The following PALLD variants were observed in gnomAD, a reference collection of about 807,000 sequenced individuals.
The protein encoded by PALLD is palladin, cytoskeletal associated protein, also known as palladin.
A neutral mutation model predicts 123.5 loss-of-function variants in PALLD; 61 were observed. The ratio of observed to expected loss-of-function variants is 0.49; its 90% CI spans 0.40 to 0.61. PALLD has a LOEUF of 0.61. Among genes scored for constraint, PALLD ranks in the 20% least tolerant of loss-of-function variants. PALLD has a pLI of 0.00. For missense variants in PALLD, 1,273 were observed against 1,377.0 expected (o/e 0.92, Z 1.20); for synonymous variants, 465 against 496.4 (o/e 0.94, Z 0.84).
chr4:168,782,906 C>A (rs1392899489), intron 10 of PALLD, among the ~76,000 whole-genome samples: 2 of 151,944 alleles, frequency 1.3e-5, no homozygotes, highest in Non-Finnish European at 2.9e-5. Flanking sequence ...CAGAGTGAGA[C>A]TCTGCCTTAA....
At chr4:168,695,089 G>A (rs1385484193) in intron 8 of PALLD, among the ~76,000 whole-genome samples, 1 of 152,162 alleles carries the variant, frequency 6.6e-6, no homozygotes, top group Non-Finnish European at 1.5e-5. Flanking sequence ...CGTCTTACTG[G>A]TTGTGGAATT....
chr4:168,878,442 T>C (rs546442130), intron 10 of PALLD: 3 of 1,397,658 alleles, frequency 2.1e-6, no homozygotes, highest in South Asian at 2.9e-5. Flanking sequence ...CCGCCTCGGG[T>C]CGCCCTGGGA....
At chr4:168,880,785 C>A (rs1455020795) in intron 10 of PALLD, among the ~76,000 whole-genome samples, 3 of 152,162 alleles carry the variant, frequency 2.0e-5, no homozygotes, top group Non-Finnish European at 4.4e-5. Context: ...CCATATATAT[C>A]AAGTACCAAC....
chr4:168,802,277 C>T (rs1344392147), intron 10 of PALLD, among the ~76,000 whole-genome samples: 3 of 152,162 alleles, frequency 2.0e-5, no homozygotes, highest in Non-Finnish European at 4.4e-5. Context: ...AACAAATCTA[C>T]GTGAACTAGG....
intron 2 of PALLD, among the ~76,000 whole-genome samples, chr4:168,643,764 A>G (rs1408692491): frequency 1.3e-5 from 2 of 152,200 alleles, no homozygotes; most frequent in Non-Finnish European, 1.5e-5. Flanking sequence ...TCAGTTTAAT[A>G]ATAACAGTTG....
intron 2 of PALLD, among the ~76,000 whole-genome samples, chr4:168,523,464 A>G (rs1763762862): frequency 6.6e-6 from 1 of 152,198 alleles, no homozygotes; most frequent in South Asian, 2.1e-4. Flanking sequence ...ACAGTTGTGG[A>G]CATCTAGGGA....
At chr4:168,575,068 T>G (rs1769407403) in intron 2 of PALLD, among the ~76,000 whole-genome samples, 3 of 152,132 alleles carry the variant, frequency 2.0e-5, no homozygotes, top group Admixed American at 2.0e-4. Flanking sequence ...TGACTGCAAA[T>G]CAGGTGTCTG....
intron 3 of PALLD, among the ~76,000 whole-genome samples, chr4:168,668,808 A>T (rs1779903777): frequency 6.6e-6 from 1 of 152,070 alleles, no homozygotes; most frequent in Admixed American, 6.6e-5. Context: ...TTTTGTTAAG[A>T]CCCCATTATT....
At chr4:168,779,096 A>G (rs1181393042) in intron 10 of PALLD, among the ~76,000 whole-genome samples, 2 of 152,246 alleles carry the variant, frequency 1.3e-5, no homozygotes, top group Non-Finnish European at 2.9e-5. Context: ...TCATTGATCT[A>G]AGACAGTTAA....
chr4:168,691,168 C>G, intron 7 of PALLD, 101 bp from the exon 8 acceptor site: 1 of 815,146 alleles, frequency 1.2e-6, no homozygotes, highest in Non-Finnish European at 2.1e-6. Context: ...TCAGACATGT[C>G]CTAGACAAGG....
At chr4:168,591,135 T>C (rs750605535) in intron 2 of PALLD, among the ~76,000 whole-genome samples, 4 of 152,136 alleles carry the variant, frequency 2.6e-5, no homozygotes, top group Non-Finnish European at 5.9e-5. Context: ...TGCCTCAGCC[T>C]CCCAAAGTGC....
intron 10 of PALLD, among the ~76,000 whole-genome samples, chr4:168,873,863 T>A (rs1335573185): frequency 6.6e-6 from 1 of 152,186 alleles, no homozygotes; most frequent in Non-Finnish European, 1.5e-5. Context: ...AAGTGCCCTA[T>A]GGCTTCGTGA....
intron 2 of PALLD, chr4:168,598,786 A>G: frequency 2.9e-6 from 1 of 347,176 alleles, no homozygotes; most frequent in Non-Finnish European, 5.9e-6. Context: ...GTAAATCCAA[A>G]GCAGGGAGGG....
intron 10 of PALLD, among the ~76,000 whole-genome samples, chr4:168,839,069 C>T (rs1169930284): frequency 1.3e-5 from 2 of 152,144 alleles, no homozygotes; most frequent in Non-Finnish European, 2.9e-5. Context: ...CCTCCCACCT[C>T]AGTCTCCCAA....
Position 168,523,044 on chromosome 4 carries a change from G to A in PALLD, c.908+10632G>A, listed in dbSNP as rs115381538. Reference sequence around the variant, plus strand: ...CAGTCACTGTTTATATGATCCACATGTTGTGGTCCAAAAAATGTAAATAAA... The same window carrying A: ...CAGTCACTGTTTATATGATCCACATATTGTGGTCCAAAAAATGTAAATAAA... On this transcript the variant is annotated intron_variant, in intron 2 of 21. Coordinates refer to ENST00000505667, the MANE Select transcript of PALLD (RefSeq NM_001166108.2). Among the ~76,000 whole-genome samples, 1,452 of 152,204 alleles carry A rather than the reference G, an allele frequency of 9.5e-3. 26 individuals are homozygous for A. Among genetic ancestry groups the A allele is most frequent in the African/African-American group, 0.033 (1,355 of 41,510 alleles).
chr4:168,738,271 G>C (rs1787955287), intron 10 of PALLD, among the ~76,000 whole-genome samples: 1 of 152,242 alleles, frequency 6.6e-6, no homozygotes, highest in East Asian at 1.9e-4. Flanking sequence ...GATTGGGTGG[G>C]GGTGGAGGAC....
At chr4:168,740,443 A>G (rs1788210761) in intron 10 of PALLD, among the ~76,000 whole-genome samples, 1 of 152,220 alleles carries the variant, frequency 6.6e-6, no homozygotes, top group Non-Finnish European at 1.5e-5. Flanking sequence ...GTGGATGCCT[A>G]TACTTGAATT....
At chr4:168,740,018 G>A (rs1418651983) in intron 10 of PALLD, among the ~76,000 whole-genome samples, 1 of 152,126 alleles carries the variant, frequency 6.6e-6, no homozygotes, top group Admixed American at 6.5e-5. Context: ...ACAACAGGCA[G>A]CATGATAATT....
At chr4:168,533,302 G>A (rs756905787) in intron 2 of PALLD, among the ~76,000 whole-genome samples, 8 of 152,042 alleles carry the variant, frequency 5.3e-5, no homozygotes, top group Non-Finnish European at 1.0e-4. Context: ...GAGACTAGAC[G>A]CTGTTACCTA....
Sources: allele counts gnomAD v4.1 joint callset (sites outside exome capture counted in the v4.1 genomes callset), GRCh38; gene constraint gnomAD v4.1.1; transcripts MANE v1.5; gene names NCBI Gene and HGNC (gene_info 2026-07-23, HGNC 2026-07-21).